Variants in ATP2B2 observed in about 807,000 individuals in gnomAD.
The protein encoded by ATP2B2 is ATPase plasma membrane Ca2+ transporting 2, also known as plasma membrane calcium-transporting ATPase 2.
A neutral mutation model predicts 120.0 loss-of-function variants in ATP2B2; 15 were observed. The observed-to-expected ratio is 0.12, with a 90% CI of 0.08 to 0.19. The LOEUF is 0.19. Among genes scored for constraint, ATP2B2 ranks in the 10% least tolerant of loss-of-function variants. The probability of loss-of-function intolerance (pLI) is 1.00; values close to 1 mark genes in which losing one functional copy is unlikely to be tolerated. For synonymous variants in ATP2B2, 694 were observed against 700.3 expected (o/e 0.99, Z 0.14); for missense variants, 1,045 against 1,719.8 (o/e 0.61, Z 6.94).
chr3:10,445,312 C>T (rs1575246893), intron 2 of ATP2B2, among the ~76,000 whole-genome samples: 1 of 147,862 alleles, frequency 6.8e-6, no homozygotes, highest in East Asian at 1.9e-4. Context: ...CTCGCAGTGT[C>T]CCTTGAAGAG....
chr3:10,554,019 C>T (rs1301129628), intron 2 of ATP2B2, among the ~76,000 whole-genome samples: 63 of 29,724 alleles, frequency 2.1e-3, no homozygotes, highest in African/African-American at 7.8e-3. Context: ...TCTAGTGGGG[C>T]GGGGGTGGGG....
intron 1 of ATP2B2, among the ~76,000 whole-genome samples, chr3:10,646,581 T>C (rs2070326389): frequency 6.6e-6 from 1 of 152,086 alleles, no homozygotes; most frequent in Non-Finnish European, 1.5e-5. Flanking sequence ...TATCAGCTGT[T>C]TCTTCATTCA....
At chr3:10,481,142 T>C (rs942366961) in intron 1 of ATP2B2, among the ~76,000 whole-genome samples, 2 of 152,232 alleles carry the variant, frequency 1.3e-5, no homozygotes, top group South Asian at 2.1e-4. Flanking sequence ...AAGACTTCAT[T>C]TGAGCACTAG....
At chr3:10,420,079 T>C (rs907218873) in intron 2 of ATP2B2, among the ~76,000 whole-genome samples, 3 of 152,176 alleles carry the variant, frequency 2.0e-5, no homozygotes, top group Admixed American at 2.0e-4. Flanking sequence ...AGTGCATGCA[T>C]GCGTGCCCGA....
At chr3:10,583,718 G>A (rs1575523862) in intron 2 of ATP2B2, among the ~76,000 whole-genome samples, 1 of 152,192 alleles carries the variant, frequency 6.6e-6, no homozygotes, top group African/African-American at 2.4e-5. Flanking sequence ...GAGGCCTTAG[G>A]ATGTCATGGG....
At chr3:10,606,912 CAGAGAGAGAG>C (rs1185602877) in intron 2 of ATP2B2, among the ~76,000 whole-genome samples, 2,940 of 62,322 alleles carry the variant, frequency 0.047, 162 homozygotes, top group African/African-American at 0.12. Flanking sequence ...CACACACACA[CAGAGAGAGAG>C]AGAGAGAGAG....
intron 1 of ATP2B2, among the ~76,000 whole-genome samples, chr3:10,688,230 C>G (rs77340127): frequency 0.029 from 4,365 of 152,178 alleles, 113 homozygotes; most frequent in South Asian, 0.13. Flanking sequence ...CAAAACATAC[C>G]AGGTTTGCGT....
intron 14 of ATP2B2, among the ~76,000 whole-genome samples, chr3:10,351,074 G>A (rs911552032): frequency 7.9e-5 from 12 of 152,216 alleles, no homozygotes; most frequent in Non-Finnish European, 1.5e-4. Flanking sequence ...TACAGAATGT[G>A]ACACGGATTT....
chr3:10,576,138 G>C (rs528723137), intron 2 of ATP2B2, among the ~76,000 whole-genome samples: 133 of 152,346 alleles, frequency 8.7e-4, no homozygotes, highest in African/African-American at 3.2e-3. Context: ...CAGGTTTGCT[G>C]ACTGGAGGTG....
chr3:10,332,621 T>C (rs1290693017), intron 22 of ATP2B2, among the ~76,000 whole-genome samples: 1 of 152,128 alleles, frequency 6.6e-6, no homozygotes, highest in Non-Finnish European at 1.5e-5. Flanking sequence ...TTTCACGATA[T>C]GAGGCTGTGG....
intron 2 of ATP2B2, among the ~76,000 whole-genome samples, chr3:10,583,331 T>G (rs1339153639): frequency 6.6e-6 from 1 of 152,174 alleles, no homozygotes; most frequent in Non-Finnish European, 1.5e-5. Flanking sequence ...CATGAACACA[T>G]TATTTCTTTC....
At position 10,707,959 on chromosome 3, in the gene ATP2B2, C is replaced by CGCCGCT. The variant is rs1338531860; in HGVS notation, c.-510_-505dup. On this transcript the variant is annotated 5_prime_UTR_variant, in exon 1 of 22. Transcript: ENST00000646379. ...GAGATGCTGCCGCCGCCGCTGCCGC[C>CGCCGCT]GCCGCTGCCGCTGGTGCGCGCCCGG... 172 of 150,006 alleles carry CGCCGCT rather than the reference C, an allele frequency of 1.1e-3. 2 individuals are homozygous for CGCCGCT. Among genetic ancestry groups the CGCCGCT allele is most frequent in the African/African-American group, 4.0e-3 (165 of 40,890 alleles). 9.3% of individuals were successfully genotyped at this position (150,006 alleles called of 1,614,324 possible). A position where few individuals can be genotyped will look rare whatever the true frequency, so the allele number is the denominator to read the frequency against.
chr3:10,518,467 A>T (rs997410532), intron 3 of ATP2B2, among the ~76,000 whole-genome samples: 3 of 152,088 alleles, frequency 2.0e-5, no homozygotes, highest in African/African-American at 7.2e-5. Context: ...CATTCCTGGG[A>T]ATCTGCCCTT....
intron 2 of ATP2B2, among the ~76,000 whole-genome samples, chr3:10,440,680 C>G (rs931929896): frequency 6.6e-6 from 1 of 152,202 alleles, no homozygotes; most frequent in South Asian, 2.1e-4. Flanking sequence ...GATTTTGTCC[C>G]CAATCAGGTG....
intron 2 of ATP2B2, among the ~76,000 whole-genome samples, chr3:10,562,973 C>G (rs1467205932): frequency 6.6e-6 from 1 of 152,162 alleles, no homozygotes; most frequent in Non-Finnish European, 1.5e-5. Context: ...TTTGAATGAA[C>G]CTTCTTATGG....
At chr3:10,564,532 G>A (rs1053294540) in intron 2 of ATP2B2, among the ~76,000 whole-genome samples, 5 of 151,710 alleles carry the variant, frequency 3.3e-5, no homozygotes, top group Middle Eastern at 3.4e-3. Flanking sequence ...TGTCTAAAAC[G>A]TTCCCTTCCC....
intron 12 of ATP2B2, among the ~76,000 whole-genome samples, chr3:10,368,723 T>C (rs1039517476): frequency 8.6e-5 from 13 of 150,756 alleles, no homozygotes; most frequent in Admixed American, 4.6e-4. Context: ...ACCCATCTAT[T>C]CATCCACCCA....
chr3:10,490,099 C>T (rs2125360382), intron 1 of ATP2B2, among the ~76,000 whole-genome samples: 1 of 152,348 alleles, frequency 6.6e-6, no homozygotes, highest in East Asian at 1.9e-4. Context: ...TGCCCCCTGA[C>T]AGCCCCGACA....
In ATP2B2 at chr3:10,346,227, G is replaced by A; in HGVS notation, c.2405-90C>T. On this transcript the variant is annotated intron_variant, in intron 16 of 22. Coordinates refer to ENST00000360273, the MANE Select transcript of ATP2B2 (RefSeq NM_001001331.4). This position sits in a 1 kb window ranked among gnomAD's most constrained non-coding sequence, Gnocchi z 4.1. ...TGGTCCTCGGGAGGGGCCTGGCTGG[G>A]CATGGCTTCCTCTCTGGTCCCTGTC... The A allele has an allele frequency of 7.7e-7, 1 of 1,292,418 alleles. No individual in the cohort carries two copies. The allele number at this position is 1,292,418 out of a possible 1,614,324, so 80.1% of individuals were successfully genotyped here. A position where few individuals can be genotyped will look rare whatever the true frequency, so the allele number is the denominator to read the frequency against.
Sources: allele counts gnomAD v4.1 joint callset (sites outside exome capture counted in the v4.1 genomes callset), GRCh38; gene constraint gnomAD v4.1.1; non-coding constraint Gnocchi (gnomAD v3.1); transcripts MANE v1.5; gene names NCBI Gene and HGNC (gene_info 2026-07-23, HGNC 2026-07-21).